Variants in ZNG1F observed in about 807,000 individuals in gnomAD.
The protein encoded by ZNG1F is zinc-regulated GTPase metalloprotein activator 1F.
chr9:41,173,848 T>C, the ZNG1F span, among the ~76,000 whole-genome samples: 10 of 146,728 alleles, frequency 6.8e-5, no homozygotes, highest in African/African-American at 2.5e-4. Flanking sequence ...TAAACTAAAG[T>C]GTGAAAAGAA....
chr9:41,175,269 G>A, the ZNG1F span, among the ~76,000 whole-genome samples: 1 of 144,582 alleles, frequency 6.9e-6, no homozygotes, highest in East Asian at 2.1e-4. Context: ...AGGGCCACAA[G>A]ATCTAATGGT....
the ZNG1F span, chr9:41,145,863 A>C: frequency 8.8e-6 from 1 of 114,050 alleles, no homozygotes; most frequent in East Asian, 2.5e-4. Context: ...AGAGAAAAAG[A>C]AAGTCAGAAT....
the ZNG1F span, among the ~76,000 whole-genome samples, chr9:41,192,737 G>T: frequency 7.4e-6 from 1 of 135,022 alleles, no homozygotes; most frequent in Non-Finnish European, 1.6e-5. Flanking sequence ...CTCCTAAAGA[G>T]CTGGGATTAC....
At chr9:41,180,691 CGTGT>C in the ZNG1F span, among the ~76,000 whole-genome samples, 8 of 112,802 alleles carry the variant, frequency 7.1e-5, no homozygotes, top group Middle Eastern at 3.8e-3. Flanking sequence ...TGTGCATGTG[CGTGT>C]GTGTGTATAC....
chr9:41,183,993 G>C, the ZNG1F span, among the ~76,000 whole-genome samples: 1 of 149,052 alleles, frequency 6.7e-6, no homozygotes, highest in Non-Finnish European at 1.5e-5. Context: ...TTTCTAAATC[G>C]ACTAGTATGT....
the ZNG1F span, among the ~76,000 whole-genome samples, chr9:41,144,357 T>C: frequency 1.4e-5 from 1 of 73,390 alleles, no homozygotes; most frequent in Non-Finnish European, 3.1e-5. Context: ...TTCAACTATA[T>C]GACAGATACC....
the ZNG1F span, among the ~76,000 whole-genome samples, chr9:41,139,634 AAAAAGATTC>A: frequency 6.6e-6 from 1 of 151,730 alleles, no homozygotes; most frequent in Non-Finnish European, 1.5e-5. Context: ...AGCAGACTAA[AAAAAGATTC>A]AAATTGAACT....
At chr9:41,141,196 C>A in the ZNG1F span, among the ~76,000 whole-genome samples, 12 of 151,806 alleles carry the variant, frequency 7.9e-5, no homozygotes, top group East Asian at 1.9e-3. Context: ...CCAATAAACT[C>A]TTTTCATGTT....
the ZNG1F span, among the ~76,000 whole-genome samples, chr9:41,160,317 C>T: frequency 3.1e-5 from 2 of 64,604 alleles, no homozygotes; most frequent in African/African-American, 1.2e-4. Context: ...CAGTACTTGT[C>T]AGCTACAAAA....
the ZNG1F span, among the ~76,000 whole-genome samples, chr9:41,200,844 A>C: frequency 6.6e-6 from 1 of 151,874 alleles, no homozygotes; most frequent in African/African-American, 2.4e-5. Context: ...ATCTTGTGAG[A>C]CTTTTTCACT....
the ZNG1F span, among the ~76,000 whole-genome samples, chr9:41,183,851 T>C: frequency 6.7e-6 from 1 of 148,890 alleles, no homozygotes; most frequent in Non-Finnish European, 1.5e-5. Context: ...TATTTTAGCT[T>C]TTATTTAAGA....
the ZNG1F span, chr9:41,146,087 C>G: frequency 6.9e-6 from 1 of 144,734 alleles, no homozygotes; most frequent in African/African-American, 2.6e-5. Flanking sequence ...CTTGTAGGAA[C>G]TATTGGAGGG....
chr9:41,175,332 A>C, the ZNG1F span, among the ~76,000 whole-genome samples: 5 of 143,112 alleles, frequency 3.5e-5, no homozygotes, highest in Non-Finnish European at 6.1e-5. Context: ...TTCCAATTTG[A>C]CTCAAATAGG....
chr9:41,155,213 T>G, the ZNG1F span, among the ~76,000 whole-genome samples: 1 of 151,168 alleles, frequency 6.6e-6, no homozygotes, highest in Non-Finnish European at 1.5e-5. Context: ...CAGACACTTC[T>G]CAAAAGAAGA....
chr9:41,151,380 G>A, the ZNG1F span, among the ~76,000 whole-genome samples: 3 of 150,180 alleles, frequency 2.0e-5, no homozygotes, highest in Non-Finnish European at 4.4e-5. Flanking sequence ...TCTGATTGGT[G>A]TACCTGAAAG....
chr9:41,132,196 T>G, the ZNG1F span: 5 of 1,596,286 alleles, frequency 3.1e-6, no homozygotes, highest in South Asian at 5.5e-5. Context: ...TTTTTCACTT[T>G]GTTTCAAAAC....
chr9:41,183,664 G>C, the ZNG1F span: 11 of 1,605,572 alleles, frequency 6.9e-6, 1 homozygote, highest in Non-Finnish European at 8.5e-6. Context: ...GCACTTCCTA[G>C]AATAAATAAC....
chr9:41,200,766 C>T, the ZNG1F span, among the ~76,000 whole-genome samples: 1 of 152,216 alleles, frequency 6.6e-6, no homozygotes, highest in African/African-American at 2.4e-5. Flanking sequence ...GCAAAAGGCA[C>T]ATCTCACATG....
At chr9:41,145,413 T>C in the ZNG1F span, 5 of 311,476 alleles carry the variant, frequency 1.6e-5, no homozygotes, top group Non-Finnish European at 2.3e-5. Context: ...ACAAGGATAA[T>C]GAAGTGACTT....
Sources: gnomAD v4.1 joint callset for allele counts (sites outside exome capture counted in the v4.1 genomes callset) on GRCh38, gnomAD v4.1.1 for gene constraint, MANE v1.5 for transcripts, NCBI Gene and HGNC (gene_info 2026-07-23, HGNC 2026-07-21) for gene names.